Variants in SPAG16 observed in about 807,000 individuals in gnomAD.
SPAG16 encodes sperm-associated antigen 16 protein.
SPAG16 carries 86 observed loss-of-function variants against 80.4 expected under a neutral mutation model. The ratio of observed to expected loss-of-function variants is 1.07; its 90% CI spans 0.90 to 1.28. SPAG16 has a LOEUF of 1.28. Ranked by LOEUF, SPAG16 falls within the 50% of genes most tolerant of loss-of-function variation. The pLI is 0.00. For missense variants in SPAG16, 870 were observed against 765.3 expected, an observed-to-expected ratio of 1.14 and a Z score of -1.61; for synonymous variants, 294 against 265.9, an observed-to-expected ratio of 1.11 and a Z score of -1.03.
At chr2:213,915,035 G>A (rs1030248784) in intron 11 of SPAG16, among the ~76,000 whole-genome samples, 4 of 152,094 alleles carry the variant, frequency 2.6e-5, no homozygotes, top group African/African-American at 7.2e-5. Context: ...GGCTGGGGAG[G>A]CCTCATAATC....
At chr2:214,279,432 T>G (rs1449251281) in intron 15 of SPAG16, among the ~76,000 whole-genome samples, 1 of 152,116 alleles carries the variant, frequency 6.6e-6, no homozygotes, top group Non-Finnish European at 1.5e-5. Flanking sequence ...AAAAACACAG[T>G]GCTACATTTG....
intron 9 of SPAG16, among the ~76,000 whole-genome samples, chr2:213,442,802 A>G (rs560916158): frequency 2.6e-5 from 4 of 152,328 alleles, no homozygotes; most frequent in South Asian, 2.1e-4. Flanking sequence ...TTACTAAACT[A>G]TGAAACTCCT....
At position 213,319,012 on chromosome 2, in the gene SPAG16, A is replaced by T. The variant is rs187892090; in HGVS notation, c.536+1656A>T. On this transcript the variant is annotated intron_variant, in intron 5 of 15. Transcript: ENST00000331683. Reference sequence around the variant, plus strand: ...CATGCAATTCCTGGTGAACAATTTTAGATAAACAGCCAGTGTTATTCTGAC... The same window carrying T: ...CATGCAATTCCTGGTGAACAATTTTTGATAAACAGCCAGTGTTATTCTGAC... 1.2e-3 allele frequency among the ~76,000 whole-genome samples: 177 copies of T among 152,116 alleles called. No individual in the cohort carries two copies. In the East Asian group the frequency reaches 0.032, roughly 28 times the overall value.
Position 214,178,174 on chromosome 2 carries a change from A to G in SPAG16, c.1720+28908A>G, listed in dbSNP as rs56147430. ...ATGTCATTAAATCTAAATATACCTA[A>G]CTAGGGTATTTTGAGAATAAAACGT... is the stretch of plus-strand genomic sequence containing the variant. On this transcript the variant is annotated intron_variant, in intron 15 of 15. Transcript: ENST00000331683. 5.2e-3 allele frequency among the ~76,000 whole-genome samples: 748 copies of G among 143,118 alleles called. 13 individuals are homozygous for G. Among genetic ancestry groups the G allele is most frequent in the South Asian group, 0.038 (177 of 4,700 alleles). 93.9% of individuals were successfully genotyped at this position (143,118 alleles called of 152,430 possible).
At chr2:214,306,202 A>C (rs12694323) in intron 15 of SPAG16, among the ~76,000 whole-genome samples, 152,259 of 152,274 alleles carry the variant, frequency 1, 76,122 homozygotes, top group Non-Finnish European at 1. Flanking sequence ...TATTGGAATG[A>C]TAGTGAATTT....
At chr2:214,055,444 GC>G (rs1462992029) in intron 13 of SPAG16, among the ~76,000 whole-genome samples, 3 of 152,100 alleles carry the variant, frequency 2.0e-5, no homozygotes, top group Non-Finnish European at 4.4e-5. Flanking sequence ...CACTTTCCAA[GC>G]CTTTATTCCA....
intron 10 of SPAG16, among the ~76,000 whole-genome samples, chr2:213,739,658 A>G (rs1220231666): frequency 1.3e-5 from 2 of 152,160 alleles, no homozygotes; most frequent in Non-Finnish European, 2.9e-5. Context: ...CTGGAGCACA[A>G]TGGTGGGATC....
intron 15 of SPAG16, among the ~76,000 whole-genome samples, chr2:214,196,171 T>C (rs1038740111): frequency 6.6e-6 from 1 of 152,036 alleles, no homozygotes; most frequent in South Asian, 2.1e-4. Flanking sequence ...GGTGGAGATA[T>C]AGGACAGAAG....
intron 10 of SPAG16, among the ~76,000 whole-genome samples, chr2:213,600,298 C>T (rs1286419660): frequency 6.6e-6 from 1 of 152,176 alleles, no homozygotes; most frequent in Admixed American, 6.5e-5. Flanking sequence ...TATATTCTTT[C>T]TTCCTGAGGA....
rs545689956 is a variant in SPAG16 at position 213,765,542 on chromosome 2, C to T, written c.1071-96943C>T. On this transcript the variant is annotated intron_variant, in intron 10 of 15. Transcript: ENST00000331683. ...ATTCCCAGTTAGGGAATCCACTTAC[C>T]TTTTTCTGTCTGCATTCTTACATTC... Among the ~76,000 whole-genome samples, 8 of 151,984 alleles carry T rather than the reference C, an allele frequency of 5.3e-5. No homozygotes were observed. In the South Asian group the frequency reaches 1.7e-3, roughly 32 times the overall value.
intron 10 of SPAG16, among the ~76,000 whole-genome samples, chr2:213,687,679 C>G (rs112458380): frequency 6.6e-6 from 1 of 152,114 alleles, no homozygotes; most frequent in Non-Finnish European, 1.5e-5. Flanking sequence ...TGACCCCTTT[C>G]GAGATTTTAT....
intron 15 of SPAG16, among the ~76,000 whole-genome samples, chr2:214,378,585 C>T (rs1700265509): frequency 6.6e-6 from 1 of 152,188 alleles, no homozygotes; most frequent in South Asian, 2.1e-4. Context: ...TCATAATTAT[C>T]TACCTTGATA....
intron 13 of SPAG16, among the ~76,000 whole-genome samples, chr2:214,059,880 C>T (rs187775986): frequency 5.7e-4 from 87 of 152,090 alleles, no homozygotes; most frequent in South Asian, 2.3e-3. Context: ...ATTTTTGCTC[C>T]CGTGGTCAGG....
At chr2:213,896,826 C>T (rs1204238324) in intron 11 of SPAG16, among the ~76,000 whole-genome samples, 1 of 151,770 alleles carries the variant, frequency 6.6e-6, no homozygotes, top group Non-Finnish European at 1.5e-5. Flanking sequence ...TATGTTAAAG[C>T]CAAACACATG....
chr2:214,296,542 C>G (rs1488839321), intron 15 of SPAG16, among the ~76,000 whole-genome samples: 1 of 152,184 alleles, frequency 6.6e-6, no homozygotes, highest in African/African-American at 2.4e-5. Flanking sequence ...CACATCCACA[C>G]CAACATCTGT....
At chr2:214,033,905 T>A (rs189949227) in intron 13 of SPAG16, among the ~76,000 whole-genome samples, 2 of 152,314 alleles carry the variant, frequency 1.3e-5, no homozygotes, top group East Asian at 3.9e-4. Flanking sequence ...TCTACAGAAC[T>A]TTTTCAAATT....
chr2:213,567,746 C>A (rs1191157055), intron 10 of SPAG16, among the ~76,000 whole-genome samples: 1 of 45,516 alleles, frequency 2.2e-5, no homozygotes, highest in East Asian at 7.5e-4. Context: ...GGGTATATAC[C>A]CAGTAATGGG....
chr2:214,310,074 T>C (rs1275709451), intron 15 of SPAG16, among the ~76,000 whole-genome samples: 1 of 152,196 alleles, frequency 6.6e-6, no homozygotes, highest in Non-Finnish European at 1.5e-5. Flanking sequence ...AGTAGTGTGA[T>C]CTTTTGGAGG....
chr2:214,358,232 G>A (rs1320392179), intron 15 of SPAG16, among the ~76,000 whole-genome samples: 1 of 151,796 alleles, frequency 6.6e-6, no homozygotes, highest in Non-Finnish European at 1.5e-5. Flanking sequence ...AGTTTTAAAT[G>A]AGCATCTCTG....
Sources: gnomAD v4.1 joint callset for allele counts (sites outside exome capture counted in the v4.1 genomes callset) on GRCh38, gnomAD v4.1.1 for gene constraint, MANE v1.5 for transcripts, NCBI Gene and HGNC (gene_info 2026-07-23, HGNC 2026-07-21) for gene names.